Variants in MARK3 observed in about 807,000 individuals in gnomAD.
MARK3 encodes MAP/microtubule affinity-regulating kinase 3.
In MARK3, 46 loss-of-function variants were observed where a neutral mutation model predicts 90.1. The ratio of observed to expected loss-of-function variants is 0.51; its 90% confidence interval spans 0.40 to 0.65. The LOEUF is 0.65. Ranked by LOEUF, MARK3 falls within the 30% of genes least tolerant of loss-of-function variation. The pLI, the probability that MARK3 is intolerant of heterozygous loss-of-function variation, is 0.00. For synonymous variants in MARK3, 321 were observed against 332.6 expected (o/e 0.97, Z 0.38); for missense variants, 818 against 947.2 (o/e 0.86, Z 1.79).
rs1194926866 is a variant in MARK3 at position 103,475,083 on chromosome 14, C to T, written c.1355C>T (p.Ser452Phe). ...DSDLKEDGIS[S>F]RKSSGSAVGG... is the part of the protein sequence containing the mutation. ...GACCTCAAAGAAGATGGAATTTCCT[C>T]CCGGAAATCAAGTGGCAGTGCTGTT... is the stretch of plus-strand genomic sequence containing the variant. Residue 452 changes from serine (S) to phenylalanine (F), a missense_variant, in exon 13 of 18, where the codon TCC (serine) becomes TTC (phenylalanine). Around this residue, in one of 3 missense-constraint regions of MARK3, gnomAD observed 560 missense variants for 613.5 expected, o/e 0.91. Transcript: ENST00000429436. 1.2e-6 allele frequency: 2 copies of T among 1,614,026 alleles called. No individual in the cohort carries two copies. The highest frequency in any genetic ancestry group is 1.7e-6 in the Non-Finnish European group (2 of 1,179,978).
At chr14:103,469,111 A>G (rs1014026894) in intron 12 of MARK3, 1 of 151,912 alleles carries the variant, frequency 6.6e-6, no homozygotes, top group Non-Finnish European at 1.5e-5. Flanking sequence ...TGTGGCTATC[A>G]AGTACTTGAA....
intron 2 of MARK3, 38 bp downstream of exon 2, chr14:103,405,305 G>A (rs200837237): frequency 7.1e-7 from 1 of 1,408,120 alleles, no homozygotes; most frequent in Admixed American, 2.5e-5. Context: ...TATGACAGTT[G>A]CTCTGTTTAT....
rs1419546063 is a variant in MARK3, at chr14:103,464,880, G to A, written c.541-677G>A. Among the ~76,000 whole-genome samples the A allele has an allele frequency of 3.3e-5, 5 of 152,062 alleles. No homozygotes were observed. In the South Asian group the frequency reaches 1.0e-3, roughly 31 times the overall value. On this transcript the variant is annotated intron_variant, in intron 7 of 17. Transcript: ENST00000429436. ...CCCAGCTAATTTTTAAAAATCTTTT[G>A]TAGAGAAAGGGTCTCACTATGTTGC...
chr14:103,470,453 C>CAATTTTTTTTTTT (rs1299534465), intron 12 of MARK3, among the ~76,000 whole-genome samples: 193 of 24,192 alleles, frequency 8.0e-3, no homozygotes, highest in Non-Finnish European at 0.013. Context: ...GGAACTAAAT[C>CAATTTTTTTTTTT]TATTTTTTTT....
At chr14:103,421,364 A>G (rs998676054) in intron 2 of MARK3, among the ~76,000 whole-genome samples, 1 of 152,232 alleles carries the variant, frequency 6.6e-6, no homozygotes, top group Non-Finnish European at 1.5e-5. Context: ...TAGAATGAAC[A>G]ATGAGAATTG....
chr14:103,457,344 C>T (rs1384486966), intron 6 of MARK3, 132 bp downstream of exon 6: 4 of 622,910 alleles, frequency 6.4e-6, no homozygotes, highest in Non-Finnish European at 1.1e-5. Context: ...TTCAATTCAA[C>T]AAAAATTGAT....
At chr14:103,454,317 A>G (rs1247575063) in intron 5 of MARK3, among the ~76,000 whole-genome samples, 3 of 151,174 alleles carry the variant, frequency 2.0e-5, no homozygotes, top group Non-Finnish European at 2.9e-5. Context: ...CAGTGGCGCC[A>G]TCTCAGCTCA....
At chr14:103,464,361 C>T (rs1010991043) in intron 7 of MARK3, among the ~76,000 whole-genome samples, 35 of 124,122 alleles carry the variant, frequency 2.8e-4, no homozygotes, top group Non-Finnish European at 4.2e-4. Flanking sequence ...TGCAGTGGTG[C>T]GATCTCTGCT....
At chr14:103,397,661 C>A (rs978609393) in intron 1 of MARK3, among the ~76,000 whole-genome samples, 1 of 152,122 alleles carries the variant, frequency 6.6e-6, no homozygotes, top group African/African-American at 2.4e-5. Flanking sequence ...TTGTGCCTTA[C>A]AAGTTTTTTA....
intron 1 of MARK3, chr14:103,386,434 C>T (rs1400807068): frequency 2.2e-5 from 13 of 581,460 alleles, no homozygotes; most frequent in Admixed American, 4.4e-5. Context: ...TTTAGCCGAA[C>T]TCTGCTTTTA....
intron 15 of MARK3, among the ~76,000 whole-genome samples, chr14:103,494,599 G>GA (rs1172319515): frequency 1.4e-5 from 2 of 148,074 alleles, no homozygotes; most frequent in African/African-American, 5.0e-5. Flanking sequence ...GTATATAATG[G>GA]AAAAAAGGAA....
At chr14:103,486,949 T>C (rs1406153790) in intron 14 of MARK3, among the ~76,000 whole-genome samples, 1 of 151,884 alleles carries the variant, frequency 6.6e-6, no homozygotes, top group Non-Finnish European at 1.5e-5. Flanking sequence ...AAACAGTCTC[T>C]CTCTGTCACC....
intron 14 of MARK3, chr14:103,491,536 C>A: frequency 2.2e-6 from 1 of 455,216 alleles, no homozygotes; most frequent in Non-Finnish European, 3.9e-6. Flanking sequence ...CTGCATTAAT[C>A]TTGTCCTTGA....
intron 2 of MARK3, chr14:103,412,110 A>C (rs959113082): frequency 1.0e-6 from 1 of 970,238 alleles, no homozygotes; most frequent in Admixed American, 3.0e-5. Context: ...GAATCTTTTC[A>C]AATATGCCTT....
chr14:103,493,190 A>G (rs192499814), intron 15 of MARK3, among the ~76,000 whole-genome samples: 80 of 151,744 alleles, frequency 5.3e-4, no homozygotes, highest in Admixed American at 2.6e-3. Flanking sequence ...GAGTCACATT[A>G]AAGTCTGATC....
chr14:103,483,847 C>G (rs2093872037), intron 14 of MARK3, among the ~76,000 whole-genome samples: 1 of 152,190 alleles, frequency 6.6e-6, no homozygotes, highest in Non-Finnish European at 1.5e-5. Flanking sequence ...TTGTATGATT[C>G]TATCATGATG....
At chr14:103,415,319 G>T (rs1479837769) in intron 2 of MARK3, among the ~76,000 whole-genome samples, 2 of 152,054 alleles carry the variant, frequency 1.3e-5, no homozygotes, top group African/African-American at 2.4e-5. Context: ...GCCTAGTTAT[G>T]GTGTAAGTTC....
chr14:103,438,077 C>T (rs1349592055), intron 3 of MARK3, among the ~76,000 whole-genome samples: 10 of 152,184 alleles, frequency 6.6e-5, no homozygotes, highest in East Asian at 3.9e-4. Flanking sequence ...CTCGGCTAAC[C>T]GCAACCTCCA....
chr14:103,466,777 G>A (rs1466575955), intron 10 of MARK3, among the ~76,000 whole-genome samples: 1 of 152,156 alleles, frequency 6.6e-6, no homozygotes, highest in Non-Finnish European at 1.5e-5. Context: ...GGCCAAGGCG[G>A]GCAGATCACC....
Sources: allele counts gnomAD v4.1 joint callset (sites outside exome capture counted in the v4.1 genomes callset), GRCh38; gene constraint gnomAD v4.1.1; regional missense constraint gnomAD v4.1.1; transcripts MANE v1.5; gene names NCBI Gene and HGNC (gene_info 2026-07-23, HGNC 2026-07-21).